PCLO: variants seen among roughly 807,000 people sequenced by gnomAD.
The protein encoded by PCLO is piccolo presynaptic cytomatrix protein.
In PCLO, 82 loss-of-function variants were observed where a neutral mutation model predicts 427.5. The observed-to-expected ratio is 0.19, with a 90% CI of 0.16 to 0.23. PCLO has a LOEUF of 0.23. Ranked by LOEUF, PCLO falls within the 10% of genes least tolerant of loss-of-function variation. The pLI is 1.00. For missense variants in PCLO, 6,239 were observed against 6,115.9 expected (o/e 1.02, Z -0.67); for synonymous variants, 2,357 against 2,155.4 (o/e 1.09, Z -2.59).
At chr7:82,998,579 C>G (rs978489938) in intron 3 of PCLO, among the ~76,000 whole-genome samples, 1 of 151,744 alleles carries the variant, frequency 6.6e-6, no homozygotes, top group South Asian at 2.1e-4. Flanking sequence ...ATATCCTGTC[C>G]CATATAAAGG....
At chr7:82,987,648 T>A (rs542613683) in intron 3 of PCLO, among the ~76,000 whole-genome samples, 2 of 152,162 alleles carry the variant, frequency 1.3e-5, no homozygotes, top group South Asian at 4.1e-4. Context: ...AAAAAAAAGC[T>A]TCACAATATA....
At chr7:82,948,539 T>G (rs552624367) in intron 6 of PCLO, among the ~76,000 whole-genome samples, 24 of 152,234 alleles carry the variant, frequency 1.6e-4, no homozygotes, top group Non-Finnish European at 3.2e-4. Context: ...TAATCATGCA[T>G]TAGGGGAACT....
In PCLO at chr7:83,078,917, C is replaced by T. The variant is rs1790026670; in HGVS notation, c.3300+55333G>A. Among the ~76,000 whole-genome samples the T allele has an allele frequency of 2.0e-5, 3 of 152,134 alleles. No homozygotes were observed. In the South Asian group the frequency reaches 6.2e-4, roughly 32 times the overall value. ...AATACCAGCAAATCAAAGATATAAGCTTATGAATACAACTATCTTAAACAT... is the reference window on the plus strand; with the variant it reads ...AATACCAGCAAATCAAAGATATAAGTTTATGAATACAACTATCTTAAACAT... On this transcript the variant is annotated intron_variant, in intron 3 of 24. Coordinates refer to ENST00000333891, the MANE Select transcript of PCLO (RefSeq NM_033026.6).
At chr7:83,020,048 A>G (rs1187904592) in intron 3 of PCLO, among the ~76,000 whole-genome samples, 1 of 152,140 alleles carries the variant, frequency 6.6e-6, no homozygotes. Context: ...CTTTGTAGTT[A>G]GCTGAATTCA....
chr7:82,940,636 T>C (rs1367146006), intron 6 of PCLO, among the ~76,000 whole-genome samples: 1 of 151,952 alleles, frequency 6.6e-6, no homozygotes, highest in Admixed American at 6.6e-5. Flanking sequence ...TTATTTATCA[T>C]TCTTCACAGG....
chr7:83,038,543 C>T (rs1255302157), intron 3 of PCLO, among the ~76,000 whole-genome samples: 2 of 151,820 alleles, frequency 1.3e-5, no homozygotes, highest in Non-Finnish European at 2.9e-5. Context: ...TTCACCTATG[C>T]TTTTGCTTGT....
chr7:82,804,208 T>A (rs1196134852), intron 21 of PCLO, among the ~76,000 whole-genome samples: 1 of 152,178 alleles, frequency 6.6e-6, no homozygotes, highest in African/African-American at 2.4e-5. Flanking sequence ...GGATTAGATT[T>A]CTTTTAGGAA....
At chr7:82,862,323 A>G (rs1351410716) in intron 10 of PCLO, among the ~76,000 whole-genome samples, 1 of 152,012 alleles carries the variant, frequency 6.6e-6, no homozygotes, top group Non-Finnish European at 1.5e-5. Context: ...GGATGTGGAG[A>G]AAAGAGAACC....
rs1197818772 is a variant in PCLO, at chr7:82,915,793, C to T, written c.12193G>A (p.Ala4065Thr). The T allele has an allele frequency of 7.4e-6, 12 of 1,612,478 alleles. No homozygotes were observed. Among genetic ancestry groups the T allele is most frequent in the Admixed American group, 5.0e-5 (3 of 59,748 alleles). ...AGATCCTTTTCATGAAGGCTAAATG[C>T]GGTGCTTAATGCCGCTGTTCCTTTG... Reference protein sequence around the residue: ...ITKGTAALSTAFSLHEKDLSK... With the variant: ...ITKGTAALSTTFSLHEKDLSK... The change falls in exon 7 of 25, where the codon GCA becomes ACA. Residue 4065 changes from alanine to threonine, a missense_variant. Physicochemically the swap from Ala to Thr is moderately conservative, Grantham distance 58. Around this residue, in one of 5 missense-constraint regions of PCLO, gnomAD observed 680 missense variants for 677.3 expected, o/e 1.00. Transcript: ENST00000333891.
At chr7:82,833,372 C>T (rs911232145) in intron 16 of PCLO, among the ~76,000 whole-genome samples, 2 of 152,152 alleles carry the variant, frequency 1.3e-5, no homozygotes, top group African/African-American at 4.8e-5. Context: ...TTCATATATG[C>T]TCATTTCCAT....
At chr7:82,874,639 T>C (rs1793325499) in intron 10 of PCLO, among the ~76,000 whole-genome samples, 1 of 152,120 alleles carries the variant, frequency 6.6e-6, no homozygotes, top group African/African-American at 2.4e-5. Flanking sequence ...CAAGAGAAAA[T>C]ACAGTTATTT....
At chr7:83,015,663 T>C (rs1023883730) in intron 3 of PCLO, among the ~76,000 whole-genome samples, 8 of 152,140 alleles carry the variant, frequency 5.3e-5, no homozygotes, top group East Asian at 3.9e-4. Flanking sequence ...GCCAAATAAA[T>C]GTAACATGTA....
chr7:82,945,395 C>G (rs1421737852), intron 6 of PCLO, among the ~76,000 whole-genome samples: 4 of 149,042 alleles, frequency 2.7e-5, no homozygotes, highest in Non-Finnish European at 5.9e-5. Context: ...CGAATTTTGT[C>G]TCCTCCAAAA....
At chr7:82,851,866 T>A (rs1238170618) in intron 10 of PCLO, among the ~76,000 whole-genome samples, 1 of 152,196 alleles carries the variant, frequency 6.6e-6, no homozygotes, top group African/African-American at 2.4e-5. Flanking sequence ...CCAAATCAAT[T>A]ATACTCATTG....
At chr7:82,932,044 C>T (rs2116342540) in intron 6 of PCLO, among the ~76,000 whole-genome samples, 1 of 152,190 alleles carries the variant, frequency 6.6e-6, no homozygotes, top group African/African-American at 2.4e-5. Flanking sequence ...TATGTCTTCA[C>T]CGTGATGTAG....
At chr7:83,035,246 A>C (rs1788765564) in intron 3 of PCLO, among the ~76,000 whole-genome samples, 1 of 152,160 alleles carries the variant, frequency 6.6e-6, no homozygotes, top group South Asian at 2.1e-4. Context: ...ATCAAGAAAT[A>C]ATATACCAAA....
chr7:82,940,119 C>A (rs143867342), intron 6 of PCLO, among the ~76,000 whole-genome samples: 3 of 152,022 alleles, frequency 2.0e-5, no homozygotes, highest in African/African-American at 4.8e-5. Flanking sequence ...AATGAATGGC[C>A]GATTAGATAA....
At chr7:82,834,662 T>C (rs899413080) in intron 16 of PCLO, among the ~76,000 whole-genome samples, 10 of 151,616 alleles carry the variant, frequency 6.6e-5, no homozygotes, top group Non-Finnish European at 1.2e-4. Flanking sequence ...AATGACACAT[T>C]TAATTTATAA....
intron 7 of PCLO, among the ~76,000 whole-genome samples, chr7:82,910,090 T>C (rs1794286574): frequency 6.6e-6 from 1 of 152,166 alleles, no homozygotes; most frequent in East Asian, 1.9e-4. Flanking sequence ...TCTCTGGAAA[T>C]ACTTTGTTGC....
Sources: allele counts gnomAD v4.1 joint callset (sites outside exome capture counted in the v4.1 genomes callset), GRCh38; gene constraint gnomAD v4.1.1; regional missense constraint gnomAD v4.1.1; transcripts MANE v1.5; gene names NCBI Gene and HGNC (gene_info 2026-07-23, HGNC 2026-07-21).